The following INVS variants were observed in gnomAD, a reference collection of about 807,000 sequenced individuals.
INVS encodes inversion of embryo turning homolog.
In INVS, 86 loss-of-function variants were observed where a neutral mutation model predicts 108.8. The ratio of observed to expected loss-of-function variants is 0.79; its 90% CI spans 0.66 to 0.95. The LOEUF is 0.95. Ranked by LOEUF, INVS falls within the 40% of genes least tolerant of loss-of-function variation. INVS has a pLI of 0.00. For missense variants in INVS, 1,169 were observed against 1,297.4 expected (o/e 0.90, Z 1.52); for synonymous variants, 455 against 473.5 (o/e 0.96, Z 0.51).
chr9:100,263,904 C>A (rs1190634465), intron 10 of INVS, among the ~76,000 whole-genome samples: 2 of 152,114 alleles, frequency 1.3e-5, no homozygotes, highest in Admixed American at 6.5e-5. Flanking sequence ...TCTTATATAT[C>A]TTTACTGCTC....
At chr9:100,217,511 A>C (rs1163702715) in intron 3 of INVS, among the ~76,000 whole-genome samples, 1 of 152,170 alleles carries the variant, frequency 6.6e-6, no homozygotes, top group East Asian at 1.9e-4. Flanking sequence ...AGGAGTACTT[A>C]TCTGTTTGCA....
chr9:100,187,019 T>G (rs1010346584), intron 3 of INVS, among the ~76,000 whole-genome samples: 3 of 152,254 alleles, frequency 2.0e-5, no homozygotes, highest in Middle Eastern at 3.4e-3. Flanking sequence ...TCATCCATCT[T>G]GAGTTGATTT....
At chr9:100,140,325 G>GTAAACGTGGGTGA (rs1828383476) in intron 3 of INVS, among the ~76,000 whole-genome samples, 1 of 152,072 alleles carries the variant, frequency 6.6e-6, no homozygotes, top group African/African-American at 2.4e-5. Context: ...GATTTGGGTA[G>GTAAACGTGGGTGA]GTAAAGGAAA....
chr9:100,173,709 A>T (rs1829621122), intron 3 of INVS, among the ~76,000 whole-genome samples: 2 of 152,172 alleles, frequency 1.3e-5, no homozygotes, highest in Admixed American at 1.3e-4. Context: ...AGCCTGGGAG[A>T]CAGAGTGAGA....
chr9:100,273,015 T>C lies in INVS; in HGVS notation c.1723T>C (p.Phe575Leu). ...CAAAGGGTACAAGGTCAGAAAAGCC[T>C]TCCGAGACAGGAAAAATCTCCTCAT... Reference protein sequence around the residue: ...VYKGYKVRKAFRDRKNLLMKH... With the variant: ...VYKGYKVRKALRDRKNLLMKH... The change falls in exon 12 of 17, where the codon TTC (phenylalanine) becomes CTC (leucine). Residue 575 changes from phenylalanine to leucine, a missense_variant. Physicochemically the swap from Phe to Leu is conservative, Grantham distance 22 (BLOSUM62 0). Around this residue, in one of 3 missense-constraint regions of INVS, gnomAD observed 271 missense variants for 363.8 expected, o/e 0.74. Transcript: ENST00000262457. 6.2e-7 allele frequency: 1 copy of C among 1,613,986 alleles called. No individual in the cohort carries two copies. The highest frequency in any genetic ancestry group is 1.1e-5 in the South Asian group (1 of 91,062).
chr9:100,292,871 C>T lies in INVS; in HGVS notation c.2614C>T (p.Gln872Ter), dbSNP rs374520570. The change falls in exon 14 of 17, where the codon CAG becomes TAG. Residue 872 changes from glutamine (Q) to a stop codon, truncating the protein, a stop_gained. Coordinates refer to ENST00000262457, the MANE Select transcript of INVS (RefSeq NM_014425.5). LOFTEE classifies it high-confidence loss of function. ...GACATCTACCCTGTCCGAGGACTTT[C>T]AGGTATCTAAGGAGACTGATCCAGC... ...LETSTLSEDF[Q>*]VSKETDPAPG... The T allele has an allele frequency of 1.5e-5, 25 of 1,614,142 alleles. No homozygotes were observed. The highest frequency in any genetic ancestry group is 2.1e-5 in the Non-Finnish European group (25 of 1,180,022).
At chr9:100,293,123 TTCC>T in intron 14 of INVS, 80 bp downstream of exon 14, 7 of 1,401,474 alleles carry the variant, frequency 5.0e-6, no homozygotes, top group Non-Finnish European at 7.1e-6. Context: ...CTTTGATGTT[TTCC>T]CAGTGAGTTC....
intron 10 of INVS, among the ~76,000 whole-genome samples, chr9:100,257,766 C>T (rs555260309): frequency 5.6e-4 from 85 of 152,324 alleles, no homozygotes; most frequent in South Asian, 1.2e-3. Context: ...AGAGTTTCTG[C>T]CAAGAGATCT....
chr9:100,300,428 C>A, intron 16 of INVS, 140 bp from the exon 17 acceptor site: 2 of 679,532 alleles, frequency 2.9e-6, no homozygotes, highest in Non-Finnish European at 2.7e-6. Flanking sequence ...TATATTAAGT[C>A]ATCCTGCCTC....
At chr9:100,222,398 T>C (rs1831178739) in intron 3 of INVS, among the ~76,000 whole-genome samples, 1 of 152,214 alleles carries the variant, frequency 6.6e-6, no homozygotes, top group Non-Finnish European at 1.5e-5. Context: ...TTGATGATAC[T>C]TCTGTGAGAA....
At chr9:100,298,996 A>G (rs1379983605) in intron 16 of INVS, among the ~76,000 whole-genome samples, 3 of 152,266 alleles carry the variant, frequency 2.0e-5, no homozygotes, top group Non-Finnish European at 4.4e-5. Flanking sequence ...ATACTAGCAT[A>G]AATTAGATAA....
intron 12 of INVS, among the ~76,000 whole-genome samples, chr9:100,280,089 CT>C (rs1833230449): frequency 1.3e-5 from 2 of 152,138 alleles, no homozygotes; most frequent in Non-Finnish European, 2.9e-5. Flanking sequence ...CACTCACCTT[CT>C]TTTTAGCCCT....
intron 3 of INVS, among the ~76,000 whole-genome samples, chr9:100,217,153 A>C (rs1831014852): frequency 6.6e-6 from 1 of 152,132 alleles, no homozygotes; most frequent in African/African-American, 2.4e-5. Flanking sequence ...TACCAAAAAT[A>C]TAAAAATTAG....
intron 3 of INVS, among the ~76,000 whole-genome samples, chr9:100,211,637 A>G (rs1012616477): frequency 3.3e-5 from 5 of 152,176 alleles, no homozygotes; most frequent in Non-Finnish European, 7.3e-5. Flanking sequence ...TGGAGAAGGC[A>G]TTGGGGGGAA....
intron 3 of INVS, among the ~76,000 whole-genome samples, chr9:100,204,959 A>G (rs1279371371): frequency 6.6e-6 from 1 of 152,174 alleles, no homozygotes; most frequent in Non-Finnish European, 1.5e-5. Flanking sequence ...AGCTTAAATT[A>G]TATAGTATCT....
At chr9:100,101,001 ATATATATATTATATGTATATATAT>A (rs1303512245) in intron 1 of INVS, among the ~76,000 whole-genome samples, 2 of 85,520 alleles carry the variant, frequency 2.3e-5, no homozygotes, top group African/African-American at 1.2e-4. Flanking sequence ...TGTATATATA[ATATATATATTATATGTATATATAT>A]TATATATATT....
At chr9:100,294,280 G>A (rs910686839) in intron 14 of INVS, among the ~76,000 whole-genome samples, 1 of 152,162 alleles carries the variant, frequency 6.6e-6, no homozygotes, top group Non-Finnish European at 1.5e-5. Context: ...AGATATCGAG[G>A]TTCCCGTCAG....
rs749655348 is a variant in INVS, at chr9:100,246,671, A to G, written c.962A>G (p.Glu321Gly). Residue 321 changes from glutamate to glycine, a missense_variant, in exon 8 of 17, where the codon GAA (glutamate) becomes GGA (glycine). By Grantham distance (98) the Glu-to-Gly change is moderately conservative (BLOSUM62 -2). Around this residue, in one of 3 missense-constraint regions of INVS, gnomAD observed 365 missense variants for 397.5 expected, o/e 0.92. Coordinates refer to ENST00000262457, the MANE Select transcript of INVS (RefSeq NM_014425.5). ...HPSVKDDSDL[E>G]GRTSFMWAAG... ...TCAGTGAAAGATGATTCAGACCTGG[A>G]AGGAAGAACATCCTTTATGTGGGCA... 8.7e-6 allele frequency: 14 copies of G among 1,613,832 alleles called. No individual in the cohort carries two copies. Among genetic ancestry groups the G allele is most frequent in the Middle Eastern group, 1.6e-4 (1 of 6,080 alleles).
At chr9:100,288,654 CCT>C (rs1833519119) in intron 13 of INVS, among the ~76,000 whole-genome samples, 1 of 151,494 alleles carries the variant, frequency 6.6e-6, no homozygotes, top group South Asian at 2.1e-4. Context: ...AGGGTCTCAC[CCT>C]GTCACCCAGG....
Sources: gnomAD v4.1 joint callset for allele counts (sites outside exome capture counted in the v4.1 genomes callset) on GRCh38, gnomAD v4.1.1 for gene constraint, gnomAD v4.1.1 regional missense constraint, MANE v1.5 for transcripts, NCBI Gene and HGNC (gene_info 2026-07-23, HGNC 2026-07-21) for gene names.